The following CARM1 variants were observed in gnomAD, a reference collection of about 807,000 sequenced individuals.
The protein encoded by CARM1 is histone-arginine methyltransferase CARM1.
Under a neutral mutation model 72.7 loss-of-function variants are expected in CARM1, and 14 were observed. The observed-to-expected ratio is 0.19, with a 90% confidence interval of 0.13 to 0.30. The LOEUF (loss-of-function observed/expected upper bound fraction) is 0.30. Ranked by LOEUF, CARM1 falls within the 10% of genes least tolerant of loss-of-function variation. CARM1 has a pLI of 1.00. For synonymous variants in CARM1, 333 were observed against 345.5 expected (o/e 0.96, Z 0.40); for missense variants, 432 against 833.7 (o/e 0.52, Z 5.93).
chr19:10,888,210 TGTA>T (rs1395137483), intron 1 of CARM1, among the ~76,000 whole-genome samples: 1 of 152,096 alleles, frequency 6.6e-6, no homozygotes, highest in Non-Finnish European at 1.5e-5. Flanking sequence ...ATTGCCTCCT[TGTA>T]GTGGTGAGGC....
intron 1 of CARM1, among the ~76,000 whole-genome samples, chr19:10,886,967 G>A (rs755067679): frequency 6.6e-6 from 1 of 152,032 alleles, no homozygotes; most frequent in African/African-American, 2.4e-5. Flanking sequence ...CTCCTGCCTC[G>A]GTGTCCCGAG....
At chr19:10,897,237 A>G (rs1162072952) in intron 1 of CARM1, among the ~76,000 whole-genome samples, 1 of 152,168 alleles carries the variant, frequency 6.6e-6, no homozygotes, top group African/African-American at 2.4e-5. Flanking sequence ...TGAGCAAATA[A>G]GGGCATAGTG....
chr19:10,880,156 C>T (rs1053838205), intron 1 of CARM1, among the ~76,000 whole-genome samples: 2 of 152,170 alleles, frequency 1.3e-5, no homozygotes, highest in Non-Finnish European at 1.5e-5. Context: ...CTCCTTTCTG[C>T]GGAAACCTGC....
At position 10,871,886 on chromosome 19, in the gene CARM1, G is replaced by T. The variant is rs761503923; in HGVS notation, c.184G>T (p.Ala62Ser). ...GCAGGCGCTGCGCCTCGAGGTGCGC[G>T]CCGGCCCGGACTCGGCGGGCATCGC... Reference protein sequence around the residue: ...EQQALRLEVRAGPDSAGIALY... With the variant: ...EQQALRLEVRSGPDSAGIALY... The change falls in exon 1 of 16, where the codon GCC (alanine) becomes TCC (serine). Residue 62 changes from alanine (A) to serine (S), a missense_variant. Ala to Ser is a moderately conservative substitution (Grantham distance 99). Around this residue, in one of 3 missense-constraint regions of CARM1, gnomAD observed 138 missense variants for 192.3 expected, o/e 0.72. Coordinates refer to ENST00000327064, the MANE Select transcript of CARM1 (RefSeq NM_199141.2). This position sits in a 1 kb window ranked among gnomAD's most constrained non-coding sequence, Gnocchi z 5.6. The T allele has an allele frequency of 2.4e-5, 30 of 1,246,394 alleles. No homozygotes were observed. The East Asian group carries it at 6.6e-4, about 27-fold the overall frequency. The allele number at this position is 1,246,394 out of a possible 1,614,324, so 77.2% of individuals were successfully genotyped here.
At position 10,908,115 on chromosome 19, in the gene CARM1, G is replaced by C. The variant is rs200224797; in HGVS notation, c.423G>C (p.Thr141=). 2 of 1,613,916 alleles carry C rather than the reference G, an allele frequency of 1.2e-6. No individual in the cohort carries two copies. Among genetic ancestry groups the C allele is most frequent in the Admixed American group, 1.7e-5 (1 of 60,006 alleles). The change falls in exon 3 of 16, where the codon ACG becomes ACC. Residue 141 remains threonine (T), a synonymous_variant. Coordinates refer to ENST00000327064, the MANE Select transcript of CARM1 (RefSeq NM_199141.2). ...TLERSVFSER[T]EESSAVQYFQ... ...AGCGGTCTGTGTTCAGCGAGCGGAC[G>C]GAGGAGTCTTCTGCCGTGCAGTACT...
rs932053555 is a variant in CARM1, at chr19:10,920,194, T to C, written c.1196+228T>C. Among the ~76,000 whole-genome samples the C allele has an allele frequency of 6.6e-6, 1 of 152,118 alleles. No homozygotes were observed. The highest frequency in any genetic ancestry group is 1.5e-5 in the Non-Finnish European group (1 of 68,000). ...AGTGTCTGTCCCTCATGGGTCTGTG[T>C]CTGTCTCTTGGCACATGTCAGGGTG... On this transcript the variant is annotated intron_variant, in intron 10 of 15. Coordinates refer to ENST00000327064, the MANE Select transcript of CARM1 (RefSeq NM_199141.2). This position sits in a 1 kb window ranked among gnomAD's most constrained non-coding sequence, Gnocchi z 5.3.
chr19:10,911,439 C>T (rs918551125), intron 4 of CARM1, among the ~76,000 whole-genome samples: 4 of 152,304 alleles, frequency 2.6e-5, no homozygotes, highest in African/African-American at 7.2e-5. Flanking sequence ...GGACGTCCTC[C>T]GTTGGTGAAG....
chr19:10,908,803 C>T (rs969365547), intron 3 of CARM1: 33 of 287,962 alleles, frequency 1.1e-4, no homozygotes, highest in Middle Eastern at 1.2e-3. Context: ...AGGCAGGTGG[C>T]CCCCGATGCC....
chr19:10,920,380 G>A lies in CARM1; in HGVS notation c.1197-56G>A, dbSNP rs1020197293. ...GGGAGGACTCAAGGCATACAAGGTGGTGGCTCCAGTGGTGGCGCCGGCCCA... is the reference window on the plus strand; with the variant it reads ...GGGAGGACTCAAGGCATACAAGGTGATGGCTCCAGTGGTGGCGCCGGCCCA... On this transcript the variant is annotated intron_variant, in intron 10 of 15. Transcript: ENST00000327064. This position sits in a 1 kb window ranked among gnomAD's most constrained non-coding sequence, Gnocchi z 5.3. 6.4e-7 allele frequency: 1 copy of A among 1,573,492 alleles called. No individual in the cohort carries two copies. The highest frequency in any genetic ancestry group is 1.7e-5 in the Admixed American group (1 of 57,456).
At chr19:10,906,523 C>T (rs1433730113) in intron 2 of CARM1, among the ~76,000 whole-genome samples, 2 of 151,994 alleles carry the variant, frequency 1.3e-5, no homozygotes, top group East Asian at 1.9e-4. Flanking sequence ...AGTGCAGTGG[C>T]GCGATCTCGG....
rs1279252230 is a variant in CARM1, at chr19:10,912,939, C to T, written c.669+645C>T. Among the ~76,000 whole-genome samples the T allele has an allele frequency of 6.6e-6, 1 of 152,176 alleles. No individual in the cohort carries two copies. The highest frequency in any genetic ancestry group is 1.5e-5 in the Non-Finnish European group (1 of 68,028). Reference sequence around the variant, plus strand: ...ATGCGGTTGTGTCTGTAGGACACACCCTAGCCCTGGAATCGCTGGGTTGGG... The same window carrying T: ...ATGCGGTTGTGTCTGTAGGACACACTCTAGCCCTGGAATCGCTGGGTTGGG... On this transcript the variant is annotated intron_variant, in intron 5 of 15. Transcript: ENST00000327064. The surrounding 1 kb of genome is among the most constrained non-coding windows in gnomAD (Gnocchi z 4.5).
intron 6 of CARM1, 41 bp downstream of exon 6, chr19:10,914,095 G>T: frequency 6.4e-7 from 1 of 1,557,796 alleles, no homozygotes; most frequent in East Asian, 2.4e-5. Context: ...CCTCGGTGGA[G>T]GCCCTGGCTG....
chr19:10,912,883 C>T lies in CARM1; in HGVS notation c.669+589C>T, dbSNP rs2074163528. Among the ~76,000 whole-genome samples the T allele has an allele frequency of 6.6e-6, 1 of 152,198 alleles. No individual in the cohort carries two copies. Among genetic ancestry groups the T allele is most frequent in the Non-Finnish European group, 1.5e-5 (1 of 68,034 alleles). On this transcript the variant is annotated intron_variant, in intron 5 of 15. Coordinates refer to ENST00000327064, the MANE Select transcript of CARM1 (RefSeq NM_199141.2). This position sits in a 1 kb window ranked among gnomAD's most constrained non-coding sequence, Gnocchi z 4.5. ...AGACTCCTTCCAGGTCTTCACGTGG[C>T]CAACGCTGCTGTCCTGAGCCCCTCT... is the stretch of plus-strand genomic sequence containing the variant.
chr19:10,901,433 C>T (rs1433430738), intron 1 of CARM1, among the ~76,000 whole-genome samples: 11 of 152,162 alleles, frequency 7.2e-5, no homozygotes, highest in Admixed American at 7.2e-4. Flanking sequence ...CCTTCCACCT[C>T]AGCCTCCCGA....
intron 14 of CARM1, 104 bp from the exon 15 acceptor site, chr19:10,921,271 C>G (rs1026340986): frequency 6.8e-7 from 1 of 1,478,936 alleles, no homozygotes; most frequent in South Asian, 1.2e-5. Context: ...CCGAGGCTCT[C>G]CGTCCTCTCT....
At position 10,903,564 on chromosome 19, in the gene CARM1, C is replaced by CT. The variant is rs1203997737; in HGVS notation, c.221-1372dup. 3.8e-3 allele frequency among the ~76,000 whole-genome samples: 536 copies of CT among 142,798 alleles called. 1 individual carries two copies. The highest frequency in any genetic ancestry group is 0.018 in the South Asian group (79 of 4,476). 93.7% of individuals were successfully genotyped at this position (142,798 alleles called of 152,430 possible). A position where few individuals can be genotyped will look rare whatever the true frequency, so the allele number is the denominator to read the frequency against. On this transcript the variant is annotated intron_variant, in intron 1 of 15. Coordinates refer to ENST00000327064, the MANE Select transcript of CARM1 (RefSeq NM_199141.2). ...TCCACACTCACATTTCCCTAGTTGT[C>CT]TTTTTTTTTTTTTTTAATAGGATCT...
At position 10,921,711 on chromosome 19, in the gene CARM1, C is replaced by T. The variant is rs2074254452; in HGVS notation, c.1781C>T (p.Ala594Val). The T allele has an allele frequency of 1.9e-6, 3 of 1,613,524 alleles. No homozygotes were observed. The highest frequency in any genetic ancestry group is 1.7e-6 in the Non-Finnish European group (2 of 1,179,806). Reference sequence around the variant, plus strand: ...ATGGGCGGCCCCGCCATCTCCATGGCGTCGCCCATGTCCATCCCGACCAAC... The same window carrying T: ...ATGGGCGGCCCCGCCATCTCCATGGTGTCGCCCATGTCCATCCCGACCAAC... ...FTMGGPAISM[A>V]SPMSIPTNTM... The change falls in exon 16 of 16, where the codon GCG (alanine) becomes GTG (valine). Residue 594 changes from alanine to valine, a missense_variant. Ala to Val is a moderately conservative substitution (Grantham distance 64, BLOSUM62 0). Around this residue, in one of 3 missense-constraint regions of CARM1, gnomAD observed 142 missense variants for 188.7 expected, o/e 0.75. Coordinates refer to ENST00000327064, the MANE Select transcript of CARM1 (RefSeq NM_199141.2).
intron 1 of CARM1, among the ~76,000 whole-genome samples, chr19:10,894,418 T>G (rs971336461): frequency 6.6e-5 from 10 of 151,724 alleles, no homozygotes; most frequent in African/African-American, 1.9e-4. Flanking sequence ...GGGGTCGGGG[T>G]GTCTCCCTCT....
intron 1 of CARM1, among the ~76,000 whole-genome samples, chr19:10,886,020 G>A (rs1401836333): frequency 1.3e-5 from 2 of 149,638 alleles, no homozygotes; most frequent in African/African-American, 4.9e-5. Flanking sequence ...ACGGCAGGTG[G>A]CCCCACACCT....
Sources: gnomAD v4.1 joint callset for allele counts (sites outside exome capture counted in the v4.1 genomes callset) on GRCh38, gnomAD v4.1.1 for gene constraint, gnomAD v4.1.1 regional missense constraint, Gnocchi (gnomAD v3.1) non-coding constraint, MANE v1.5 for transcripts, NCBI Gene and HGNC (gene_info 2026-07-23, HGNC 2026-07-21) for gene names.